YWHAB: variants seen among roughly 807,000 people sequenced by gnomAD.
The protein encoded by YWHAB is tyrosine 3-monooxygenase/tryptophan 5-monooxygenase activation protein beta.
A neutral mutation model predicts 28.5 loss-of-function variants in YWHAB; 2 were observed. That is an observed-to-expected ratio of 0.07 (90% confidence interval 0.03 to 0.22). YWHAB has a LOEUF of 0.22. Among genes scored for constraint, YWHAB ranks in the 10% least tolerant of loss-of-function variants. The pLI, the probability that YWHAB is intolerant of heterozygous loss-of-function variation, is 1.00. For missense variants in YWHAB, 148 were observed against 297.1 expected, an observed-to-expected ratio of 0.50 and a Z score of 3.69; for synonymous variants, 103 against 104.7, an observed-to-expected ratio of 0.98 and a Z score of 0.10.
At chr20:44,901,919 TGAGAGA>T in intron 2 of YWHAB, 86 bp downstream of exon 2, 1 of 1,423,110 alleles carries the variant, frequency 7.0e-7, no homozygotes, top group Admixed American at 2.4e-5. Context: ...AAACAGCTTA[TGAGAGA>T]GAGGTGTCTG....
intron 4 of YWHAB, 112 bp downstream of exon 4, chr20:44,905,243 TG>T: frequency 9.0e-7 from 1 of 1,114,998 alleles, no homozygotes; most frequent in African/African-American, 1.6e-5. Flanking sequence ...AAAGATTTTC[TG>T]GGGGTGGGAG....
intron 1 of YWHAB, among the ~76,000 whole-genome samples, chr20:44,891,294 CG>C (rs1274927279): frequency 6.6e-6 from 1 of 152,018 alleles, no homozygotes; most frequent in Non-Finnish European, 1.5e-5. Context: ...TTAGTAGAGA[CG>C]GGGTTTCACC....
chr20:44,899,735 C>G (rs144469145), intron 1 of YWHAB, among the ~76,000 whole-genome samples: 1 of 152,264 alleles, frequency 6.6e-6, no homozygotes, highest in Non-Finnish European at 1.5e-5. Context: ...GGGGAACTGA[C>G]TGTGGTGAGT....
At chr20:44,886,310 C>T (rs2066527267) in intron 1 of YWHAB, 1 of 152,406 alleles carries the variant, frequency 6.6e-6, no homozygotes, top group African/African-American at 2.4e-5. Context: ...TTTAATCAAA[C>T]GCGGATGAGT....
intron 1 of YWHAB, among the ~76,000 whole-genome samples, chr20:44,901,303 T>C (rs901766347): frequency 2.0e-5 from 3 of 152,176 alleles, no homozygotes; most frequent in Non-Finnish European, 4.4e-5. Context: ...ACATACCTAC[T>C]CTGGGACTGT....
intron 1 of YWHAB, among the ~76,000 whole-genome samples, chr20:44,897,696 C>T (rs1243495768): frequency 6.6e-6 from 1 of 152,126 alleles, no homozygotes; most frequent in African/African-American, 2.4e-5. Context: ...TTTTCCACCA[C>T]GGTTGGTTGA....
intron 1 of YWHAB, among the ~76,000 whole-genome samples, chr20:44,895,020 G>A (rs931613411): frequency 3.9e-5 from 6 of 152,220 alleles, no homozygotes; most frequent in African/African-American, 1.4e-4. Context: ...GGGCACACAC[G>A]TGAAGCTGTA....
At chr20:44,898,289 T>A (rs2425673) in intron 1 of YWHAB, among the ~76,000 whole-genome samples, 41,239 of 152,062 alleles carry the variant, frequency 0.27, 5,750 homozygotes, top group Admixed American at 0.33. Flanking sequence ...GACACAGCTC[T>A]GCATGTGATT....
chr20:44,889,311 CATGAT>C (rs578015962), intron 1 of YWHAB, among the ~76,000 whole-genome samples: 21 of 152,276 alleles, frequency 1.4e-4, no homozygotes, highest in Middle Eastern at 3.4e-3. Context: ...CTTTCTGTCT[CATGAT>C]ATGTGTGCTG....
chr20:44,905,307 A>C, intron 4 of YWHAB, 176 bp downstream of exon 4: 1 of 542,660 alleles, frequency 1.8e-6, no homozygotes, highest in Non-Finnish European at 3.0e-6. Flanking sequence ...TTCATTCTCA[A>C]TACCTTCTGC....
intron 1 of YWHAB, among the ~76,000 whole-genome samples, chr20:44,894,732 G>A (rs139225586): frequency 4.4e-4 from 67 of 152,262 alleles, no homozygotes; most frequent in African/African-American, 1.4e-3. Flanking sequence ...AATTCCCTGC[G>A]CCTCATCTTC....
At chr20:44,896,928 A>G (rs755122166) in intron 1 of YWHAB, among the ~76,000 whole-genome samples, 3 of 152,240 alleles carry the variant, frequency 2.0e-5, no homozygotes, top group African/African-American at 2.4e-5. Context: ...CTGTATGTGT[A>G]TAATTAAAAA....
In YWHAB at chr20:44,901,693, G is replaced by A. The variant is rs1237546287; in HGVS notation, c.160G>A (p.Val54Ile). The part of the protein sequence containing the change: ...NLLSVAYKNV[V>I]GARRSSWRVI... ...GCTCTCTGTTGCCTACAAGAATGTG[G>A]TAGGCGCCCGCCGCTCTTCCTGGCG... The change falls in exon 2 of 6, where the codon GTA becomes ATA. Residue 54 changes from valine (V) to isoleucine (I), a missense_variant. By Grantham distance (29) the Val-to-Ile change is conservative. This residue lies in a region of YWHAB where 110 missense variants were observed against 177.9 expected (regional missense o/e 0.62). Transcript: ENST00000353703. The A allele has an allele frequency of 9.3e-6, 15 of 1,613,104 alleles. No homozygotes were observed. Among genetic ancestry groups the A allele is most frequent in the Non-Finnish European group, 1.0e-5 (12 of 1,179,724 alleles).
rs960879684 is a variant in YWHAB, at chr20:44,907,644, A to C, written c.*1206A>C. On this transcript the variant is annotated 3_prime_UTR_variant, in exon 6 of 6. Coordinates refer to ENST00000353703, the MANE Select transcript of YWHAB (RefSeq NM_139323.4). ...TAAGTTTCTGTCCCTCTGCTTCCTT[A>C]CTTTTTTTCCTTTTTGAATTCTATC... 6.6e-6 allele frequency: 1 copy of C among 151,820 alleles called. No individual in the cohort carries two copies. The highest frequency in any genetic ancestry group is 1.5e-5 in the Non-Finnish European group (1 of 67,978). 9.4% of individuals were successfully genotyped at this position (151,820 alleles called of 1,614,324 possible).
chr20:44,900,921 G>A (rs2066622540), intron 1 of YWHAB, among the ~76,000 whole-genome samples: 1 of 152,208 alleles, frequency 6.6e-6, no homozygotes, highest in East Asian at 1.9e-4. Context: ...GATTACAAAT[G>A]CCTGCCACCA....
chr20:44,897,387 G>A (rs1223846567), intron 1 of YWHAB, among the ~76,000 whole-genome samples: 2 of 152,128 alleles, frequency 1.3e-5, no homozygotes, highest in Admixed American at 1.3e-4. Flanking sequence ...ACTTTGAAGT[G>A]GGCCTCTAAG....
In YWHAB at chr20:44,906,911, A is replaced by AT. The variant is rs1224229653; in HGVS notation, c.*476dup. 6.7e-6 allele frequency: 1 copy of AT among 150,138 alleles called. No individual in the cohort carries two copies. The highest frequency in any genetic ancestry group is 1.5e-5 in the Non-Finnish European group (1 of 68,774). 9.3% of individuals were successfully genotyped at this position (150,138 alleles called of 1,614,324 possible). A position where few individuals can be genotyped will look rare whatever the true frequency, so the allele number is the denominator to read the frequency against. ...TGGAGTGAGACACACATCATTTGGC[A>AT]TTTGAGTTGAATGGTAATTCACAGT... On this transcript the variant is annotated 3_prime_UTR_variant, in exon 6 of 6. Transcript: ENST00000353703.
chr20:44,892,599 A>G (rs182165231), intron 1 of YWHAB, among the ~76,000 whole-genome samples: 14 of 152,350 alleles, frequency 9.2e-5, no homozygotes, highest in Admixed American at 9.1e-4. Flanking sequence ...TTATTTCAAC[A>G]CACATTGGAT....
At chr20:44,905,664 T>C (rs1350816452) in intron 4 of YWHAB, 1 of 183,198 alleles carries the variant, frequency 5.5e-6, no homozygotes, top group African/African-American at 2.3e-5. Context: ...TTTAAATAAA[T>C]AAATAATTTT....
Sources: gnomAD v4.1 joint callset for allele counts (sites outside exome capture counted in the v4.1 genomes callset) on GRCh38, gnomAD v4.1.1 for gene constraint, gnomAD v4.1.1 regional missense constraint, MANE v1.5 for transcripts, NCBI Gene and HGNC (gene_info 2026-07-23, HGNC 2026-07-21) for gene names.